The following THOC7 variants were observed in gnomAD, a reference collection of about 807,000 sequenced individuals.
The protein encoded by THOC7 is NIF3L1-binding protein 1.
THOC7 carries 22 observed loss-of-function variants against 33.1 expected under a neutral mutation model. That is an observed-to-expected ratio of 0.66 (90% CI 0.47 to 0.95). The LOEUF is 0.95. Among genes scored for constraint, THOC7 ranks in the 40% least tolerant of loss-of-function variants. THOC7 has a pLI of 0.00. For synonymous variants in THOC7, 77 were observed against 76.8 expected (o/e 1.00, Z -0.01); for missense variants, 184 against 245.3 (o/e 0.75, Z 1.67).
chr3:63,863,391 C>T, intron 1 of THOC7: 1 of 1,019,210 alleles, frequency 9.8e-7, no homozygotes, highest in Non-Finnish European at 1.2e-6. Context: ...GGGTCCTCAC[C>T]GCGCCCCTAG....
At chr3:63,849,947 C>T (rs185622249) in intron 1 of THOC7, among the ~76,000 whole-genome samples, 97 of 152,216 alleles carry the variant, frequency 6.4e-4, no homozygotes, top group African/African-American at 2.3e-3. Flanking sequence ...GATACATGTG[C>T]CACATAGAGA....
At chr3:63,853,504 T>C (rs1341792994) in intron 1 of THOC7, among the ~76,000 whole-genome samples, 1 of 152,264 alleles carries the variant, frequency 6.6e-6, no homozygotes, top group Admixed American at 6.5e-5. Context: ...AATAAAACTA[T>C]CTACTTTATA....
chr3:63,837,356 T>C (rs190039472), intron 4 of THOC7, among the ~76,000 whole-genome samples: 1 of 152,154 alleles, frequency 6.6e-6, no homozygotes, highest in Admixed American at 6.5e-5. Flanking sequence ...TTTTTACTTT[T>C]CTTCAATTTA....
chr3:63,835,860 T>C (rs1701621817), intron 5 of THOC7, among the ~76,000 whole-genome samples: 1 of 152,078 alleles, frequency 6.6e-6, no homozygotes, highest in African/African-American at 2.4e-5. Flanking sequence ...CCCTGAATAA[T>C]ACACAGTATT....
intron 1 of THOC7, among the ~76,000 whole-genome samples, chr3:63,852,088 G>T (rs1702030442): frequency 6.6e-6 from 1 of 152,166 alleles, no homozygotes; most frequent in African/African-American, 2.4e-5. Flanking sequence ...CCCAAGTGCA[G>T]CTTGACTTAC....
chr3:63,851,747 T>G (rs1413573190), intron 1 of THOC7, among the ~76,000 whole-genome samples: 1 of 152,224 alleles, frequency 6.6e-6, no homozygotes, highest in Non-Finnish European at 1.5e-5. Flanking sequence ...CTGTCTGTTC[T>G]GTGCTTCTAC....
chr3:63,835,092 T>C (rs1028003077), intron 7 of THOC7, 62 bp downstream of exon 7: 3 of 1,513,894 alleles, frequency 2.0e-6, no homozygotes, highest in African/African-American at 2.8e-5. Context: ...TTTCAAAAGG[T>C]ACATCCCTGG....
chr3:63,846,319 G>A, intron 1 of THOC7: 1 of 351,598 alleles, frequency 2.8e-6, no homozygotes, highest in Non-Finnish European at 5.7e-6. Flanking sequence ...ATGGACTTCA[G>A]GGCCACAGTT....
chr3:63,850,472 A>T (rs1701996775), intron 1 of THOC7, among the ~76,000 whole-genome samples: 1 of 151,296 alleles, frequency 6.6e-6, no homozygotes, highest in South Asian at 2.1e-4. Context: ...AAGTGCTGGG[A>T]TTACAAGCGT....
At position 63,852,734 on chromosome 3, in the gene THOC7, A is replaced by T. The variant is rs1702041688; in HGVS notation, c.19+11038T>A. On this transcript the variant is annotated intron_variant, in intron 1 of 7. Coordinates refer to ENST00000295899, the MANE Select transcript of THOC7 (RefSeq NM_025075.4). Reference sequence around the variant, plus strand: ...TAAAGATTCATGGGCCAGAATTTTTAGGAGGATGTACAAACTGGATTGTAA... The same window carrying T: ...TAAAGATTCATGGGCCAGAATTTTTTGGAGGATGTACAAACTGGATTGTAA... 2.6e-5 allele frequency among the ~76,000 whole-genome samples: 4 copies of T among 152,196 alleles called. No individual in the cohort carries two copies. The South Asian group carries it at 8.3e-4, about 31-fold the overall frequency.
intron 1 of THOC7, among the ~76,000 whole-genome samples, chr3:63,850,303 C>A (rs1394779939): frequency 6.6e-6 from 1 of 151,820 alleles, no homozygotes; most frequent in Non-Finnish European, 1.5e-5. Context: ...CGGGTTCAAG[C>A]AATAACCCTG....
chr3:63,839,806 C>T (rs1466808786), intron 1 of THOC7, 33 bp from the exon 2 acceptor site: 2 of 1,568,856 alleles, frequency 1.3e-6, no homozygotes, highest in Non-Finnish European at 1.8e-6. Context: ...TACCATCTGG[C>T]TCTTGGTAAC....
At chr3:63,847,322 C>T (rs1401178467) in intron 1 of THOC7, among the ~76,000 whole-genome samples, 1 of 152,158 alleles carries the variant, frequency 6.6e-6, no homozygotes, top group African/African-American at 2.4e-5. Context: ...CAGGTTTTAA[C>T]CATGGCCATT....
At chr3:63,854,353 C>T (rs185601120) in intron 1 of THOC7, among the ~76,000 whole-genome samples, 58 of 152,296 alleles carry the variant, frequency 3.8e-4, no homozygotes, top group South Asian at 6.2e-4. Context: ...AATGAACACA[C>T]TTAAAATATG....
At chr3:63,841,604 T>A (rs561408261) in intron 1 of THOC7, among the ~76,000 whole-genome samples, 1 of 152,290 alleles carries the variant, frequency 6.6e-6, no homozygotes. Flanking sequence ...ATTTTTAGAA[T>A]TGGGTTTGGT....
At chr3:63,857,921 A>C (rs1310385019) in intron 1 of THOC7, among the ~76,000 whole-genome samples, 1 of 152,216 alleles carries the variant, frequency 6.6e-6, no homozygotes, top group Non-Finnish European at 1.5e-5. Flanking sequence ...TCTTGGCTAA[A>C]GAAACATCAT....
chr3:63,839,574 T>C, intron 2 of THOC7, 82 bp downstream of exon 2: 1 of 875,566 alleles, frequency 1.1e-6, no homozygotes, highest in Non-Finnish European at 1.8e-6. Flanking sequence ...GAGTGAAAAT[T>C]TGATCTACTC....
chr3:63,853,152 A>G (rs565841110), intron 1 of THOC7, among the ~76,000 whole-genome samples: 1 of 150,902 alleles, frequency 6.6e-6, no homozygotes, highest in East Asian at 1.9e-4. Context: ...CTCTGTCTCA[A>G]AAAAGAAAAA....
intron 1 of THOC7, among the ~76,000 whole-genome samples, chr3:63,858,632 C>T (rs1702154428): frequency 6.6e-6 from 1 of 152,128 alleles, no homozygotes; most frequent in African/African-American, 2.4e-5. Context: ...TATCAGGGTA[C>T]TAACAATATT....
Sources: allele counts gnomAD v4.1 joint callset (sites outside exome capture counted in the v4.1 genomes callset), GRCh38; gene constraint gnomAD v4.1.1; transcripts MANE v1.5; gene names NCBI Gene and HGNC (gene_info 2026-07-23, HGNC 2026-07-21).